The following NELL1 variants were observed in gnomAD, a reference collection of about 807,000 sequenced individuals.
NELL1 encodes the protein neural EGFL like 1.
Under a neutral mutation model 107.4 loss-of-function variants are expected in NELL1, and 76 were observed. That is an observed-to-expected ratio of 0.71 (90% CI 0.59 to 0.86). The LOEUF (loss-of-function observed/expected upper bound fraction) is 0.86. NELL1 is among the 40% of genes least tolerant of loss of function. NELL1 has a pLI of 0.00. For missense variants in NELL1, 1,024 were observed against 1,005.5 expected (o/e 1.02, Z -0.25); for synonymous variants, 353 against 341.2 (o/e 1.03, Z -0.38).
At chr11:21,051,364 T>G (rs1416499413) in intron 12 of NELL1, among the ~76,000 whole-genome samples, 2 of 152,036 alleles carry the variant, frequency 1.3e-5, no homozygotes, top group African/African-American at 4.8e-5. Flanking sequence ...AAGTATACAA[T>G]GGACTTTTGG....
At chr11:20,757,270 A>G (rs1856318351) in intron 2 of NELL1, among the ~76,000 whole-genome samples, 1 of 152,054 alleles carries the variant, frequency 6.6e-6, no homozygotes, top group South Asian at 2.1e-4. Flanking sequence ...CACTATTTCC[A>G]AAATTTTTTA....
chr11:20,678,045 G>C lies in NELL1; in HGVS notation c.169G>C (p.Ala57Pro). The change falls in exon 2 of 20, where the codon GCA becomes CCA. Residue 57 changes from alanine to proline, a missense_variant. Ala to Pro is a conservative substitution (Grantham distance 27). Coordinates refer to ENST00000357134, the MANE Select transcript of NELL1 (RefSeq NM_006157.5). ...QVSGMHNASK[A>P]FLFQDIEREI... ...GTCTGGAATGCACAATGCCAGCAAAGCATTTTTATTTCAAGGTAAAGGCAC... is the reference window on the plus strand; with the variant it reads ...GTCTGGAATGCACAATGCCAGCAAACCATTTTTATTTCAAGGTAAAGGCAC... 1 of 1,614,140 alleles carries C rather than the reference G, an allele frequency of 6.2e-7. No individual in the cohort carries two copies. Among genetic ancestry groups the C allele is most frequent in the Non-Finnish European group, 8.5e-7 (1 of 1,180,002 alleles).
chr11:21,525,741 G>A (rs1855837145), intron 15 of NELL1, among the ~76,000 whole-genome samples: 1 of 152,184 alleles, frequency 6.6e-6, no homozygotes, highest in Non-Finnish European at 1.5e-5. Context: ...TCACATGGTG[G>A]AGAGAAGAGA....
intron 10 of NELL1, among the ~76,000 whole-genome samples, chr11:20,945,772 A>G (rs1850949345): frequency 2.6e-5 from 4 of 152,120 alleles, no homozygotes; most frequent in Admixed American, 2.6e-4. Context: ...TTAGGACTGG[A>G]GCTAATTTTT....
chr11:21,541,444 T>TATCCACCA (rs1424205865), intron 16 of NELL1, among the ~76,000 whole-genome samples: 1 of 152,090 alleles, frequency 6.6e-6, no homozygotes, highest in Non-Finnish European at 1.5e-5. Flanking sequence ...TTTTATCTGG[T>TATCCACCA]GGATGTGTCA....
intron 3 of NELL1, among the ~76,000 whole-genome samples, chr11:20,821,299 C>A (rs999965952): frequency 1.3e-5 from 2 of 152,226 alleles, no homozygotes; most frequent in Non-Finnish European, 2.9e-5. Flanking sequence ...ATACAAATTA[C>A]TATCCAGCTT....
intron 9 of NELL1, among the ~76,000 whole-genome samples, chr11:20,936,078 G>A (rs961965470): frequency 6.6e-6 from 1 of 152,174 alleles, no homozygotes; most frequent in Non-Finnish European, 1.5e-5. Flanking sequence ...TTCTGGGATA[G>A]GAATGAGGTG....
chr11:21,193,427 C>T (rs904691883), intron 13 of NELL1, among the ~76,000 whole-genome samples: 1 of 151,726 alleles, frequency 6.6e-6, no homozygotes, highest in African/African-American at 2.4e-5. Context: ...GCAGAGATAA[C>T]AGCATATATA....
intron 13 of NELL1, among the ~76,000 whole-genome samples, chr11:21,164,086 C>G (rs1004245998): frequency 6.6e-6 from 1 of 152,116 alleles, no homozygotes; most frequent in Non-Finnish European, 1.5e-5. Flanking sequence ...AGAAACCAAA[C>G]CTGTGCGCAC....
chr11:21,520,915 A>C (rs1171846681), intron 15 of NELL1, among the ~76,000 whole-genome samples: 1 of 152,256 alleles, frequency 6.6e-6, no homozygotes, highest in African/African-American at 2.4e-5. Context: ...AAATAAATGC[A>C]TCTGGCTATC....
At chr11:21,153,918 C>T (rs1050410526) in intron 13 of NELL1, among the ~76,000 whole-genome samples, 2 of 152,110 alleles carry the variant, frequency 1.3e-5, no homozygotes, top group Non-Finnish European at 2.9e-5. Context: ...TATTCCCAAC[C>T]CCTGGAGACA....
At chr11:21,051,846 G>T (rs924380473) in intron 12 of NELL1, among the ~76,000 whole-genome samples, 16 of 152,260 alleles carry the variant, frequency 1.1e-4, no homozygotes, top group Admixed American at 8.5e-4. Flanking sequence ...GGCTGTAACA[G>T]TGACAAAAGA....
chr11:21,098,446 G>A (rs934363332), intron 12 of NELL1, among the ~76,000 whole-genome samples: 1 of 152,206 alleles, frequency 6.6e-6, no homozygotes, highest in African/African-American at 2.4e-5. Context: ...CTCCTGGGCA[G>A]CTGAGCTCCT....
intron 15 of NELL1, among the ~76,000 whole-genome samples, chr11:21,464,579 T>C (rs183751497): frequency 1.9e-3 from 296 of 152,242 alleles, no homozygotes; most frequent in African/African-American, 6.6e-3. Context: ...AAAATAGTTT[T>C]TTTGTATCTA....
intron 12 of NELL1, among the ~76,000 whole-genome samples, chr11:21,101,731 G>C (rs541851629): frequency 6.6e-6 from 1 of 152,180 alleles, no homozygotes; most frequent in South Asian, 2.1e-4. Context: ...TGTAGATTCT[G>C]GATATTAGCC....
intron 13 of NELL1, among the ~76,000 whole-genome samples, chr11:21,181,717 C>T (rs969717406): frequency 3.3e-5 from 5 of 151,796 alleles, no homozygotes; most frequent in Non-Finnish European, 5.9e-5. Context: ...TCTCTATTAT[C>T]GCAGGCTAAA....
chr11:21,190,285 G>C (rs1857021867), intron 13 of NELL1, among the ~76,000 whole-genome samples: 1 of 151,844 alleles, frequency 6.6e-6, no homozygotes. Context: ...CCAGGAGGTG[G>C]AGGTAATAGT....
intron 13 of NELL1, among the ~76,000 whole-genome samples, chr11:21,200,226 C>T (rs1353431398): frequency 6.6e-6 from 1 of 152,148 alleles, no homozygotes; most frequent in Non-Finnish European, 1.5e-5. Context: ...GCCACACTGT[C>T]TTCCACAATG....
intron 12 of NELL1, among the ~76,000 whole-genome samples, chr11:21,097,140 C>G (rs1854662874): frequency 6.6e-6 from 1 of 152,156 alleles, no homozygotes; most frequent in Admixed American, 6.5e-5. Flanking sequence ...CACTCATCAA[C>G]TCGCTGCAGC....
Sources: allele counts gnomAD v4.1 joint callset (sites outside exome capture counted in the v4.1 genomes callset), GRCh38; gene constraint gnomAD v4.1.1; transcripts MANE v1.5; gene names NCBI Gene and HGNC (gene_info 2026-07-23, HGNC 2026-07-21).